CD96: variants seen among roughly 807,000 people sequenced by gnomAD.
The protein encoded by CD96 is CD96 molecule.
A neutral mutation model predicts 71.3 loss-of-function variants in CD96; 70 were observed. The ratio of observed to expected loss-of-function variants is 0.98; its 90% confidence interval spans 0.81 to 1.20. CD96 has a LOEUF of 1.20. Among genes scored for constraint, CD96 ranks in the 50% most tolerant of loss-of-function variants. The pLI is 0.00. For synonymous variants in CD96, 248 were observed against 233.0 expected (o/e 1.06, Z -0.59); for missense variants, 742 against 677.5 (o/e 1.10, Z -1.06).
intron 12 of CD96, 43 bp from the exon 13 acceptor site, chr3:111,647,500 A>G (rs112694063): frequency 1.2e-6 from 2 of 1,600,452 alleles, no homozygotes; most frequent in Non-Finnish European, 1.7e-6. Context: ...TCCAAATGCC[A>G]AAGTTTGGGA....
intron 10 of CD96, among the ~76,000 whole-genome samples, chr3:111,632,896 G>A (rs190674076): frequency 1.1e-4 from 17 of 152,040 alleles, no homozygotes; most frequent in African/African-American, 1.9e-4. Context: ...ACATGTTCTC[G>A]AATTTTCTCC....
Position 111,652,090 on chromosome 3 carries a change from C to T in CD96, c.*2284C>T, listed in dbSNP as rs1412942787. ...CCTCAAGAGAGCCAGAACTACCCAG[C>T]TAAGCCTTTTACTAAATTTCTGAAC... On this transcript the variant is annotated 3_prime_UTR_variant, in exon 14 of 14. Coordinates refer to ENST00000352690, the MANE Select transcript of CD96 (RefSeq NM_005816.5). 1.3e-5 allele frequency: 2 copies of T among 152,080 alleles called. No individual in the cohort carries two copies. Among genetic ancestry groups the T allele is most frequent in the African/African-American group, 4.8e-5 (2 of 41,416 alleles). The allele number at this position is 152,080 out of a possible 1,614,324, so 9.4% of individuals were successfully genotyped here.
intron 8 of CD96, among the ~76,000 whole-genome samples, chr3:111,623,478 C>T (rs1476916426): frequency 6.6e-6 from 1 of 152,138 alleles, no homozygotes; most frequent in Non-Finnish European, 1.5e-5. Context: ...TAGAGTCTGG[C>T]ATACAGTAGA....
downstream of CD96, among the ~76,000 whole-genome samples, chr3:111,656,410 A>T (rs1315055166): frequency 1.3e-5 from 2 of 152,224 alleles, no homozygotes; most frequent in Non-Finnish European, 2.9e-5. Flanking sequence ...TGCTGAAGGG[A>T]GTGCAAAATG....
At chr3:111,590,385 A>G (rs1037903029) in intron 5 of CD96, among the ~76,000 whole-genome samples, 1 of 152,218 alleles carries the variant, frequency 6.6e-6, no homozygotes, top group Non-Finnish European at 1.5e-5. Context: ...CAACATGCAC[A>G]CACTGTCTCT....
rs150255297 is a variant in CD96 at position 111,600,631 on chromosome 3, A to G, written c.899-95A>G. The G allele has an allele frequency of 8.0e-4, 755 of 944,328 alleles. 2 individuals are homozygous for G. In the African/African-American group the frequency reaches 0.011, roughly 13 times the overall value. The allele number at this position is 944,328 out of a possible 1,614,324, so 58.5% of individuals were successfully genotyped here. A position where few individuals can be genotyped will look rare whatever the true frequency, so the allele number is the denominator to read the frequency against. On this transcript the variant is annotated intron_variant, in intron 6 of 13. Transcript: ENST00000352690. ...CTGCCATTTGACCACTTTAGACTCT[A>G]CATTACCACAAATTGATCATGCCAT...
intron 4 of CD96, among the ~76,000 whole-genome samples, chr3:111,581,988 C>A (rs1576346135): frequency 6.6e-6 from 1 of 152,300 alleles, no homozygotes; most frequent in South Asian, 2.1e-4. Flanking sequence ...AGGTTTAGAG[C>A]TCATCTTACT....
intron 6 of CD96, among the ~76,000 whole-genome samples, chr3:111,599,204 G>A (rs1239092890): frequency 1.3e-5 from 2 of 151,942 alleles, no homozygotes; most frequent in East Asian, 1.9e-4. Context: ...TCCTGACCTC[G>A]TGATCCGCCC....
intron 13 of CD96, among the ~76,000 whole-genome samples, chr3:111,648,756 C>A (rs1201535184): frequency 6.6e-6 from 1 of 152,074 alleles, no homozygotes; most frequent in Non-Finnish European, 1.5e-5. Flanking sequence ...CCCCCACTAC[C>A]CACTCTTTAT....
chr3:111,598,321 T>G, intron 6 of CD96, 111 bp downstream of exon 6: 1 of 721,430 alleles, frequency 1.4e-6, no homozygotes, highest in Non-Finnish European at 2.5e-6. Flanking sequence ...TGATTCTCAT[T>G]CCAAGAAAAA....
intron 10 of CD96, chr3:111,634,730 C>G (rs1473317923): frequency 6.6e-6 from 1 of 152,066 alleles, no homozygotes; most frequent in Non-Finnish European, 1.5e-5. Context: ...AACCCCGTCT[C>G]TACTAAAAAT....
chr3:111,578,678 C>T (rs1936330652), intron 3 of CD96, among the ~76,000 whole-genome samples: 1 of 152,146 alleles, frequency 6.6e-6, no homozygotes, highest in South Asian at 2.1e-4. Flanking sequence ...CTCATCTTAG[C>T]AGTAAGATGT....
chr3:111,585,321 A>T lies in CD96; in HGVS notation c.752-2A>T. On this transcript the variant is annotated splice_acceptor_variant, in intron 4 of 13. Transcript: ENST00000352690. LOFTEE classifies it high-confidence loss of function. ...ACTAACTATGTTTTATTTGCCTTTA[A>T]GCTAAACCAGAAATCCCTGTGATTG... is the stretch of plus-strand genomic sequence containing the variant. The T allele has an allele frequency of 6.2e-7, 1 of 1,607,674 alleles. No individual in the cohort carries two copies. The highest frequency in any genetic ancestry group is 1.1e-5 in the South Asian group (1 of 90,966).
intron 5 of CD96, among the ~76,000 whole-genome samples, chr3:111,588,581 A>T (rs1047964741): frequency 3.9e-5 from 6 of 152,114 alleles, no homozygotes; most frequent in African/African-American, 9.7e-5. Context: ...TCTGATACCA[A>T]TTTACTGTAT....
intron 8 of CD96, among the ~76,000 whole-genome samples, chr3:111,623,129 A>C (rs140024548): frequency 6.6e-6 from 1 of 152,244 alleles, no homozygotes; most frequent in South Asian, 2.1e-4. Flanking sequence ...TATTTCCAAG[A>C]GATATAAACC....
chr3:111,611,874 T>C (rs1040566743), intron 8 of CD96, among the ~76,000 whole-genome samples: 1 of 152,180 alleles, frequency 6.6e-6, no homozygotes, highest in African/African-American at 2.4e-5. Context: ...AAGGTAAAGA[T>C]GAGCTTCAAC....
chr3:111,600,027 G>T (rs781678913), intron 6 of CD96, among the ~76,000 whole-genome samples: 2 of 152,226 alleles, frequency 1.3e-5, no homozygotes, highest in Non-Finnish European at 2.9e-5. Flanking sequence ...AACAGAGTTT[G>T]ATTTCTAAAG....
rs148546262 is a variant in CD96, at chr3:111,661,496, G to A, written c.*53-4031G>A. Among the ~76,000 whole-genome samples, 330 of 152,300 alleles carry A rather than the reference G, an allele frequency of 2.2e-3. 2 individuals are homozygous for A. Among genetic ancestry groups the A allele is most frequent in the African/African-American group, 7.4e-3 (307 of 41,566 alleles). ...GACAAGGCGAGTCCCTTCTGCCTAT[G>A]AGCCTGTAAAATAAAAAACAAGTTA... On this transcript the variant is annotated intron_variant and NMD_transcript_variant, in intron 14 of 14. Coordinates refer to the CD96 transcript ENST00000494798.
intron 10 of CD96, among the ~76,000 whole-genome samples, chr3:111,627,198 C>T (rs1448478406): frequency 3.9e-5 from 6 of 152,234 alleles, no homozygotes; most frequent in Non-Finnish European, 7.3e-5. Context: ...CCAGCCACCC[C>T]ACCAGCTGTA....
Sources: gnomAD v4.1 joint callset for allele counts (sites outside exome capture counted in the v4.1 genomes callset) on GRCh38, gnomAD v4.1.1 for gene constraint, MANE v1.5 for transcripts, NCBI Gene and HGNC (gene_info 2026-07-23, HGNC 2026-07-21) for gene names.